The following CDH12 variants were observed in gnomAD, a reference collection of about 807,000 sequenced individuals.
The protein encoded by CDH12 is cadherin-12.
In CDH12, 41 loss-of-function variants were observed where a neutral mutation model predicts 74.1. The observed-to-expected ratio is 0.55, with a 90% CI of 0.43 to 0.72. The LOEUF is 0.72. CDH12 is among the 30% of genes least tolerant of loss of function. The probability of loss-of-function intolerance (pLI) is 0.00; values close to 1 mark genes in which losing one functional copy is unlikely to be tolerated. For missense variants in CDH12, 945 were observed against 977.2 expected (o/e 0.97, Z 0.44); for synonymous variants, 399 against 355.0 (o/e 1.12, Z -1.39).
At chr5:22,787,485 A>G (rs1248820473) in intron 1 of CDH12, among the ~76,000 whole-genome samples, 4 of 152,184 alleles carry the variant, frequency 2.6e-5, no homozygotes, top group Non-Finnish European at 4.4e-5. Flanking sequence ...CAGTGCCAAA[A>G]AAGACATGGT....
intron 1 of CDH12, among the ~76,000 whole-genome samples, chr5:22,621,984 T>A (rs540255534): frequency 6.6e-6 from 1 of 152,184 alleles, no homozygotes; most frequent in Admixed American, 6.5e-5. Context: ...GAGTGATTAA[T>A]CCCCTAGTCA....
intron 6 of CDH12, among the ~76,000 whole-genome samples, chr5:21,939,828 T>G (rs564059616): frequency 6.6e-6 from 1 of 152,194 alleles, no homozygotes; most frequent in Non-Finnish European, 1.5e-5. Flanking sequence ...TTTTACCTAA[T>G]GTATACACAT....
At chr5:22,311,400 C>G (rs567812244) in intron 3 of CDH12, among the ~76,000 whole-genome samples, 166 of 152,100 alleles carry the variant, frequency 1.1e-3, no homozygotes, top group African/African-American at 3.8e-3. Context: ...TATTCAGGAA[C>G]AAAATACCTT....
chr5:22,761,349 AG>A (rs1279896390), intron 1 of CDH12, among the ~76,000 whole-genome samples: 5 of 152,188 alleles, frequency 3.3e-5, no homozygotes, highest in Non-Finnish European at 7.3e-5. Context: ...GCATCTTGAA[AG>A]CAACTCATTC....
chr5:22,849,688 T>A (rs1477734879), intron 1 of CDH12, among the ~76,000 whole-genome samples: 2 of 152,112 alleles, frequency 1.3e-5, no homozygotes, highest in East Asian at 1.9e-4. Flanking sequence ...GGTGTACAGA[T>A]TGGAGTCTCA....
At chr5:22,797,684 A>G (rs1253156197) in intron 1 of CDH12, among the ~76,000 whole-genome samples, 1 of 152,190 alleles carries the variant, frequency 6.6e-6, no homozygotes, top group Non-Finnish European at 1.5e-5. Flanking sequence ...TAATCAGAAA[A>G]GTTCCCTTTG....
At chr5:22,463,854 C>G (rs932462731) in intron 2 of CDH12, among the ~76,000 whole-genome samples, 1 of 152,094 alleles carries the variant, frequency 6.6e-6, no homozygotes, top group African/African-American at 2.4e-5. Flanking sequence ...AATGCTTACC[C>G]TTTAGAAAAA....
At chr5:22,621,995 T>C (rs943211246) in intron 1 of CDH12, among the ~76,000 whole-genome samples, 58 of 152,234 alleles carry the variant, frequency 3.8e-4, no homozygotes, top group African/African-American at 1.4e-3. Flanking sequence ...CCCCTAGTCA[T>C]TAGCTGTGTT....
At chr5:22,781,481 C>A (rs540801017) in intron 1 of CDH12, among the ~76,000 whole-genome samples, 66 of 152,166 alleles carry the variant, frequency 4.3e-4, no homozygotes, top group African/African-American at 1.5e-3. Context: ...AAGCCAACAA[C>A]CCCCAAGTCT....
intron 8 of CDH12, among the ~76,000 whole-genome samples, chr5:21,834,627 T>G (rs1749429597): frequency 6.6e-6 from 1 of 151,914 alleles, no homozygotes; most frequent in East Asian, 1.9e-4. Flanking sequence ...GTACTACACT[T>G]TAGAAACGAA....
rs779763868 is a variant in CDH12, at chr5:22,310,650, A to G, written c.-333+94607T>C. Among the ~76,000 whole-genome samples, 5 of 152,182 alleles carry G rather than the reference A, an allele frequency of 3.3e-5. No individual in the cohort carries two copies. The South Asian group carries it at 6.2e-4, about 19-fold the overall frequency. On this transcript the variant is annotated intron_variant, in intron 3 of 14. Coordinates refer to ENST00000382254, the MANE Select transcript of CDH12 (RefSeq NM_004061.5). ...AGCATCTACCCAAAAGAAAAAGCCA[A>G]TTGGTCTTGTTATCCACATGACCAC...
intron 3 of CDH12, among the ~76,000 whole-genome samples, chr5:22,297,778 T>C (rs1443196359): frequency 2.0e-5 from 3 of 152,180 alleles, no homozygotes; most frequent in African/African-American, 7.2e-5. Flanking sequence ...AATCATTTAA[T>C]ACCTGTGCAA....
chr5:22,091,474 G>A (rs1241381662), intron 4 of CDH12, among the ~76,000 whole-genome samples: 2 of 151,652 alleles, frequency 1.3e-5, no homozygotes, highest in Admixed American at 6.6e-5. Context: ...GTGTCTGAAA[G>A]ATAAAATATT....
intron 1 of CDH12, among the ~76,000 whole-genome samples, chr5:22,762,915 T>C (rs1379923138): frequency 6.6e-6 from 1 of 152,002 alleles, no homozygotes; most frequent in African/African-American, 2.4e-5. Context: ...TTTACATACT[T>C]CCAAGGAGTT....
At chr5:22,787,534 C>T (rs1373896941) in intron 1 of CDH12, among the ~76,000 whole-genome samples, 1 of 152,072 alleles carries the variant, frequency 6.6e-6, no homozygotes, top group South Asian at 2.1e-4. Context: ...CAATGGATGA[C>T]TCCGAAACTT....
chr5:22,325,863 A>G lies in CDH12; in HGVS notation c.-333+79394T>C, dbSNP rs181898486. ...GCGGAGCTTGCAGTGAGCTGAGATCACGCCACTGCACTCCAGCCTGGGCGA... is the reference window on the plus strand; with the variant it reads ...GCGGAGCTTGCAGTGAGCTGAGATCGCGCCACTGCACTCCAGCCTGGGCGA... On this transcript the variant is annotated intron_variant, in intron 3 of 14. Transcript: ENST00000382254. Among the ~76,000 whole-genome samples the G allele has an allele frequency of 7.2e-4, 109 of 152,104 alleles. 1 individual carries two copies. The East Asian group carries it at 8.4e-3, about 12-fold the overall frequency.
chr5:21,771,341 A>G (rs1015426132), intron 11 of CDH12, among the ~76,000 whole-genome samples: 1 of 152,162 alleles, frequency 6.6e-6, no homozygotes, highest in Admixed American at 6.6e-5. Context: ...TAAATGAATG[A>G]TATAGGTTGA....
In CDH12 at chr5:22,494,294, C is replaced by T. The variant is rs10068760; in HGVS notation, c.-428+10976G>A. Among the ~76,000 whole-genome samples, 288 of 152,224 alleles carry T rather than the reference C, an allele frequency of 1.9e-3. 2 individuals carry two copies. The highest frequency in any genetic ancestry group is 6.8e-3 in the African/African-American group (284 of 41,552). On this transcript the variant is annotated intron_variant, in intron 2 of 14. Coordinates refer to ENST00000382254, the MANE Select transcript of CDH12 (RefSeq NM_004061.5). The stretch of plus-strand genomic sequence containing the variant: ...CCAAAGCTGTGCACATTAGGTGAAT[C>T]GGTGTGTCTAAACGGTCCTGGTGTG...
intron 1 of CDH12, among the ~76,000 whole-genome samples, chr5:22,821,583 C>T (rs1348438883): frequency 6.6e-6 from 1 of 152,128 alleles, no homozygotes; most frequent in African/African-American, 2.4e-5. Context: ...CATTCTTATA[C>T]ACCAATAACA....
Sources: gnomAD v4.1 joint callset for allele counts (sites outside exome capture counted in the v4.1 genomes callset) on GRCh38, gnomAD v4.1.1 for gene constraint, MANE v1.5 for transcripts, NCBI Gene and HGNC (gene_info 2026-07-23, HGNC 2026-07-21) for gene names.